FAM135B: variants seen among roughly 807,000 people sequenced by gnomAD.
FAM135B encodes protein FAM135B.
FAM135B carries 43 observed loss-of-function variants against 127.7 expected under a neutral mutation model. The ratio of observed to expected loss-of-function variants is 0.34; its 90% confidence interval spans 0.26 to 0.43. The LOEUF is 0.43. Among genes scored for constraint, FAM135B ranks in the 20% least tolerant of loss-of-function variants. The pLI, the probability that FAM135B is intolerant of heterozygous loss-of-function variation, is 1.00. For missense variants in FAM135B, 1,558 were observed against 1,725.6 expected, an observed-to-expected ratio of 0.90 and a Z score of 1.72; for synonymous variants, 670 against 665.1, an observed-to-expected ratio of 1.01 and a Z score of -0.11.
chr8:138,441,777 G>A (rs1456573593), intron 1 of FAM135B: 1 of 151,256 alleles, frequency 6.6e-6, no homozygotes, highest in Non-Finnish European at 1.5e-5. Flanking sequence ...TCGATCATAT[G>A]AGTGGACCTA....
At chr8:138,432,677 T>G (rs1835260375) in intron 1 of FAM135B, among the ~76,000 whole-genome samples, 1 of 152,060 alleles carries the variant, frequency 6.6e-6, no homozygotes. Flanking sequence ...AAAATCTAAC[T>G]GGTAGATATT....
At chr8:138,162,472 T>C (rs1363044335) in intron 12 of FAM135B, among the ~76,000 whole-genome samples, 1 of 152,156 alleles carries the variant, frequency 6.6e-6, no homozygotes, top group Non-Finnish European at 1.5e-5. Context: ...GACACGTCAG[T>C]AGAGGTTCAT....
At chr8:138,327,887 C>G (rs1827910808) in intron 2 of FAM135B, among the ~76,000 whole-genome samples, 1 of 152,188 alleles carries the variant, frequency 6.6e-6, no homozygotes, top group Non-Finnish European at 1.5e-5. Flanking sequence ...AAATTTAAAA[C>G]TAAAAGTCCC....
chr8:138,431,711 A>G (rs1835195736), intron 1 of FAM135B, among the ~76,000 whole-genome samples: 1 of 152,194 alleles, frequency 6.6e-6, no homozygotes, highest in Admixed American at 6.5e-5. Flanking sequence ...GGAAGACAAT[A>G]TCATGTCCTG....
At chr8:138,357,922 C>T (rs982926116) in intron 2 of FAM135B, among the ~76,000 whole-genome samples, 6 of 151,982 alleles carry the variant, frequency 3.9e-5, no homozygotes, top group Admixed American at 6.6e-5. Flanking sequence ...ACATGGTGTC[C>T]GTTAGTATAT....
chr8:138,269,813 T>A (rs1006280668), intron 3 of FAM135B, among the ~76,000 whole-genome samples: 10 of 151,140 alleles, frequency 6.6e-5, no homozygotes, highest in Non-Finnish European at 1.2e-4. Context: ...AAGAAGTATG[T>A]TTTTTACTGA....
At position 138,297,345 on chromosome 8, in the gene FAM135B, T is replaced by C. The variant is rs76114210; in HGVS notation, c.157+13496A>G. Among the ~76,000 whole-genome samples the C allele has an allele frequency of 6.8e-4, 104 of 152,312 alleles. 2 individuals are homozygous for C. The East Asian group carries it at 0.017, about 25-fold the overall frequency. ...CACGAGACAGGGTCTACTCCTGCTA[T>C]CATGCTCATATGCAGAAACTAAGGC... On this transcript the variant is annotated intron_variant, in intron 3 of 19. Transcript: ENST00000395297.
chr8:138,491,360 A>G (rs981100506), intron 1 of FAM135B, among the ~76,000 whole-genome samples: 13 of 152,180 alleles, frequency 8.5e-5, no homozygotes, highest in African/African-American at 3.1e-4. Flanking sequence ...GACCCCTCTA[A>G]CAATAAATCT....
intron 3 of FAM135B, among the ~76,000 whole-genome samples, chr8:138,284,331 T>G (rs1337668707): frequency 6.6e-6 from 1 of 152,100 alleles, no homozygotes; most frequent in Non-Finnish European, 1.5e-5. Flanking sequence ...CTCTGCCCAG[T>G]GGCCTTCCTT....
At chr8:138,481,173 T>C (rs1484738099) in intron 1 of FAM135B, among the ~76,000 whole-genome samples, 2 of 152,248 alleles carry the variant, frequency 1.3e-5, no homozygotes, top group Non-Finnish European at 2.9e-5. Context: ...TAGACTTGAT[T>C]AAATTTCATT....
chr8:138,369,775 A>G (rs1007671964), intron 1 of FAM135B, among the ~76,000 whole-genome samples: 12 of 152,166 alleles, frequency 7.9e-5, no homozygotes, highest in African/African-American at 1.9e-4. Context: ...GCTTCCCTTC[A>G]TAATCACATT....
At chr8:138,244,354 G>A (rs1240685056) in intron 6 of FAM135B, among the ~76,000 whole-genome samples, 2 of 145,518 alleles carry the variant, frequency 1.4e-5, no homozygotes, top group Non-Finnish European at 3.0e-5. Context: ...GCAGTGAGGG[G>A]GCAATAAATC....
intron 7 of FAM135B, among the ~76,000 whole-genome samples, chr8:138,199,506 C>T (rs1260611514): frequency 2.0e-5 from 3 of 152,174 alleles, no homozygotes; most frequent in Non-Finnish European, 2.9e-5. Flanking sequence ...TGCAGAGTTA[C>T]CCGGCCTTGG....
At chr8:138,472,146 G>GA (rs1295257082) in intron 1 of FAM135B, among the ~76,000 whole-genome samples, 2 of 152,152 alleles carry the variant, frequency 1.3e-5, no homozygotes, top group African/African-American at 4.8e-5. Flanking sequence ...ACAGAGACAG[G>GA]AGGGGACAAA....
intron 7 of FAM135B, among the ~76,000 whole-genome samples, chr8:138,207,796 T>A (rs925977416): frequency 6.6e-6 from 1 of 152,188 alleles, no homozygotes; most frequent in South Asian, 2.1e-4. Context: ...GTCTGCCTTG[T>A]TCTCCCTCAA....
rs1563969800 is a variant in FAM135B, at chr8:138,400,194, C to A, written c.-19-32192G>T. ...TTCTGTCTGAAATCTGCCAAGGGAG[C>A]CTGGCTAATGCTGAAGCCAGAGTCG... On this transcript the variant is annotated intron_variant, in intron 1 of 19. Coordinates refer to ENST00000395297, the MANE Select transcript of FAM135B (RefSeq NM_015912.4). 2.0e-5 allele frequency among the ~76,000 whole-genome samples: 3 copies of A among 152,270 alleles called. No individual in the cohort carries two copies. The East Asian group carries it at 5.8e-4, about 29-fold the overall frequency.
At chr8:138,296,829 ATTT>A (rs1182846533) in intron 3 of FAM135B, among the ~76,000 whole-genome samples, 1 of 152,058 alleles carries the variant, frequency 6.6e-6, no homozygotes, top group East Asian at 1.9e-4. Context: ...CCTAAAATTG[ATTT>A]TTTTAATAAA....
chr8:138,345,721 T>C (rs1419108105), intron 2 of FAM135B, among the ~76,000 whole-genome samples: 1 of 151,748 alleles, frequency 6.6e-6, no homozygotes, highest in African/African-American at 2.4e-5. Context: ...GAGGGGAGAG[T>C]ATCTTCTGAC....
At chr8:138,416,342 G>T (rs1834149463) in intron 1 of FAM135B, among the ~76,000 whole-genome samples, 1 of 152,104 alleles carries the variant, frequency 6.6e-6, no homozygotes, top group Non-Finnish European at 1.5e-5. Context: ...TATTAATGTT[G>T]TCACCTCCTA....
Sources: allele counts gnomAD v4.1 joint callset (sites outside exome capture counted in the v4.1 genomes callset), GRCh38; gene constraint gnomAD v4.1.1; transcripts MANE v1.5; gene names NCBI Gene and HGNC (gene_info 2026-07-23, HGNC 2026-07-21).